MALRD1: variants seen among roughly 807,000 people sequenced by gnomAD.
The protein encoded by MALRD1 is MAM and LDL-receptor class A domain-containing protein 1.
In MALRD1, 247 loss-of-function variants were observed where a neutral mutation model predicts 242.1. That is an observed-to-expected ratio of 1.02 (90% CI 0.92 to 1.13). The LOEUF is 1.13. Ranked by LOEUF, MALRD1 falls within the 50% of genes most tolerant of loss-of-function variation. The pLI, the probability that MALRD1 is intolerant of heterozygous loss-of-function variation, is 0.00. For synonymous variants in MALRD1, 995 were observed against 866.6 expected (o/e 1.15, Z -2.60); for missense variants, 2,989 against 2,533.1 (o/e 1.18, Z -3.86).
intron 34 of MALRD1, among the ~76,000 whole-genome samples, chr10:19,602,183 C>A (rs1199786267): frequency 8.0e-6 from 1 of 124,922 alleles, no homozygotes; most frequent in Non-Finnish European, 1.6e-5. Context: ...TCCGTCTTTG[C>A]AGGTAGCATA....
At chr10:19,275,173 G>A (rs1428490774) in intron 19 of MALRD1, among the ~76,000 whole-genome samples, 1 of 152,098 alleles carries the variant, frequency 6.6e-6, no homozygotes, top group African/African-American at 2.4e-5. Context: ...GTGGAGTCAT[G>A]TATCTATTAT....
chr10:19,431,146 A>C (rs73595809), intron 28 of MALRD1, among the ~76,000 whole-genome samples: 8,929 of 151,304 alleles, frequency 0.059, 836 homozygotes, highest in African/African-American at 0.2. Flanking sequence ...ATTTTTCCTA[A>C]CTCTCTCCCT....
rs144908228 is a variant in MALRD1, at chr10:19,077,214, A to G, written c.340+10355A>G. 5.2e-3 allele frequency among the ~76,000 whole-genome samples: 797 copies of G among 152,026 alleles called. 5 individuals are homozygous for G. Among genetic ancestry groups the G allele is most frequent in the African/African-American group, 0.018 (766 of 41,512 alleles). ...CAGTGACAAAAGTTATTAAGTGACA[A>G]TCCATTATACTCTCATCTAAGGACT... On this transcript the variant is annotated intron_variant, in intron 2 of 39. Transcript: ENST00000454679.
At chr10:19,146,540 A>G (rs1464930114) in intron 11 of MALRD1, among the ~76,000 whole-genome samples, 196 bp downstream of exon 11, 3 of 152,154 alleles carry the variant, frequency 2.0e-5, no homozygotes, top group African/African-American at 7.2e-5. Flanking sequence ...TTAATCACCA[A>G]CATGTTTGTT....
Position 19,481,668 on chromosome 10 carries a change from T to G in MALRD1, c.5030-9849T>G, listed in dbSNP as rs376473704. On this transcript the variant is annotated intron_variant, in intron 29 of 39. Transcript: ENST00000454679. Reference sequence around the variant, plus strand: ...TTTATTTGTAATAGGTTGCCAAACTTGCTTGATAAGGAAACTGAGAAGAAT... The same window carrying G: ...TTTATTTGTAATAGGTTGCCAAACTGGCTTGATAAGGAAACTGAGAAGAAT... Among the ~76,000 whole-genome samples, 8 of 152,130 alleles carry G rather than the reference T, an allele frequency of 5.3e-5. No individual in the cohort carries two copies. The South Asian group carries it at 1.0e-3, about 20-fold the overall frequency.
intron 24 of MALRD1, among the ~76,000 whole-genome samples, chr10:19,347,370 T>A (rs1446790590): frequency 6.6e-6 from 1 of 152,202 alleles, no homozygotes; most frequent in East Asian, 1.9e-4. Context: ...TGATAAATGA[T>A]AACTTTTGCT....
chr10:19,379,622 TTC>T (rs1208739493), intron 26 of MALRD1, among the ~76,000 whole-genome samples: 1 of 152,230 alleles, frequency 6.6e-6, no homozygotes, highest in Non-Finnish European at 1.5e-5. Context: ...TCTATTTTAA[TTC>T]TGTTGTGCTT....
chr10:19,728,125 A>C (rs956036548), intron 38 of MALRD1, among the ~76,000 whole-genome samples: 1 of 152,158 alleles, frequency 6.6e-6, no homozygotes, highest in South Asian at 2.1e-4. Context: ...GAAAAATAAA[A>C]GCAATTTGAG....
intron 36 of MALRD1, among the ~76,000 whole-genome samples, chr10:19,645,647 A>G (rs1391606596): frequency 6.6e-6 from 1 of 152,092 alleles, no homozygotes. Context: ...CAAACACCAC[A>G]TATTCTCACT....
chr10:19,695,962 C>T (rs375504801), intron 38 of MALRD1, among the ~76,000 whole-genome samples: 33 of 152,164 alleles, frequency 2.2e-4, no homozygotes, highest in African/African-American at 7.5e-4. Context: ...GATTCAATTA[C>T]CTTCCGCCAA....
rs147684837 is a variant in MALRD1 at position 19,354,529 on chromosome 10, A to C, written c.4441+2232A>C. Among the ~76,000 whole-genome samples, 280 of 151,998 alleles carry C rather than the reference A, an allele frequency of 1.8e-3. 3 individuals are homozygous for C. Among genetic ancestry groups the C allele is most frequent in the African/African-American group, 6.4e-3 (267 of 41,464 alleles). ...AACCTCTCTTTATCTCCCCATCCCC[A>C]CTACCCTTTCCAGCCTCTGGTAACT... On this transcript the variant is annotated intron_variant, in intron 26 of 39. Transcript: ENST00000454679.
Position 19,389,732 on chromosome 10 carries a change from T to C in MALRD1, c.4845+123T>C, listed in dbSNP as rs1846257035. 21 of 1,049,858 alleles carry C rather than the reference T, an allele frequency of 2.0e-5. No individual in the cohort carries two copies. The South Asian group carries it at 3.5e-4, about 18-fold the overall frequency. The allele number at this position is 1,049,858 out of a possible 1,614,324, so 65.0% of individuals were successfully genotyped here. ...ATGGCTTACTGCAGCCTCCAACTCC[T>C]GGACTCAAGCGATCCTCCTGCCTCT... On this transcript the variant is annotated intron_variant, in intron 28 of 39. Coordinates refer to ENST00000454679, the MANE Select transcript of MALRD1 (RefSeq NM_001142308.3).
intron 14 of MALRD1, among the ~76,000 whole-genome samples, chr10:19,198,169 C>T (rs576411282): frequency 6.1e-4 from 93 of 152,226 alleles, no homozygotes; most frequent in Non-Finnish European, 1.2e-3. Flanking sequence ...TAAAATTTTA[C>T]CTGACTGATA....
Position 19,315,199 on chromosome 10 carries a change from A to G in MALRD1, c.3420-8750A>G, listed in dbSNP as rs1299142274. Among the ~76,000 whole-genome samples, 94 of 124,240 alleles carry G rather than the reference A, an allele frequency of 7.6e-4. 2 individuals carry two copies. In the East Asian group the frequency reaches 0.013, roughly 17 times the overall value. The allele number at this position is 124,240 out of a possible 152,430, so 81.5% of individuals were successfully genotyped here. The stretch of plus-strand genomic sequence containing the variant: ...ATATAAATATATAAATATAATTTAT[A>G]GAAATATAATTTATATAAATATATA... On this transcript the variant is annotated intron_variant, in intron 21 of 39. Coordinates refer to ENST00000454679, the MANE Select transcript of MALRD1 (RefSeq NM_001142308.3).
chr10:19,175,349 G>A, intron 14 of MALRD1, 21 bp downstream of exon 14: 2 of 1,226,576 alleles, frequency 1.6e-6, no homozygotes, highest in Non-Finnish European at 2.0e-6. Context: ...CCTTGTCGTT[G>A]TTGCTGTTTT....
intron 24 of MALRD1, among the ~76,000 whole-genome samples, chr10:19,338,074 A>C (rs1304976277): frequency 6.8e-6 from 1 of 147,942 alleles, no homozygotes; most frequent in Non-Finnish European, 1.5e-5. Flanking sequence ...AAAAAAAAAA[A>C]AGAAAGAAAG....
chr10:19,185,821 G>A (rs1389462755), intron 14 of MALRD1, among the ~76,000 whole-genome samples: 2 of 151,500 alleles, frequency 1.3e-5, no homozygotes, highest in Non-Finnish European at 2.9e-5. Flanking sequence ...GATAGTGTGT[G>A]TGTGTGTGTG....
chr10:19,584,831 A>G (rs1219423339), intron 33 of MALRD1, among the ~76,000 whole-genome samples: 2 of 151,904 alleles, frequency 1.3e-5, no homozygotes, highest in Non-Finnish European at 2.9e-5. Context: ...GGGGTGTTAA[A>G]GTCTCCCATT....
At chr10:19,329,092 T>C (rs1272372306) in intron 23 of MALRD1, among the ~76,000 whole-genome samples, 3 of 152,220 alleles carry the variant, frequency 2.0e-5, no homozygotes, top group Non-Finnish European at 4.4e-5. Context: ...GTTTTTCACA[T>C]ATTGAGATTA....
Sources: allele counts gnomAD v4.1 joint callset (sites outside exome capture counted in the v4.1 genomes callset), GRCh38; gene constraint gnomAD v4.1.1; transcripts MANE v1.5; gene names NCBI Gene and HGNC (gene_info 2026-07-23, HGNC 2026-07-21).